Variants in RBFOX2 observed in about 807,000 individuals in gnomAD.
RBFOX2 encodes the protein RNA binding fox-1 homolog 2.
A neutral mutation model predicts 49.1 loss-of-function variants in RBFOX2; 10 were observed. The ratio of observed to expected loss-of-function variants is 0.20; its 90% CI spans 0.13 to 0.35. The LOEUF (loss-of-function observed/expected upper bound fraction) is 0.35. Among genes scored for constraint, RBFOX2 ranks in the 10% least tolerant of loss-of-function variants. RBFOX2 has a pLI of 1.00. For missense variants in RBFOX2, 323 were observed against 486.9 expected (o/e 0.66, Z 3.17); for synonymous variants, 183 against 187.4 (o/e 0.98, Z 0.19).
chr22:35,753,934 C>T (rs1935962349), intron 9 of RBFOX2, among the ~76,000 whole-genome samples: 1 of 151,862 alleles, frequency 6.6e-6, no homozygotes. Context: ...AAGCGTGTGC[C>T]ACCACGCCTG....
intron 1 of RBFOX2, among the ~76,000 whole-genome samples, chr22:35,911,876 T>C (rs1435776835): frequency 3.3e-5 from 5 of 152,214 alleles, no homozygotes; most frequent in African/African-American, 1.2e-4. Flanking sequence ...ACCCTGTTTT[T>C]ACTGCTCCAG....
intron 1 of RBFOX2, among the ~76,000 whole-genome samples, chr22:35,853,657 A>G (rs898906790): frequency 8.1e-6 from 1 of 123,474 alleles, no homozygotes; most frequent in Non-Finnish European, 1.7e-5. Context: ...ATATATACAC[A>G]CGTGTGTGTG....
chr22:35,926,437 ACAAT>A (rs981463795), intron 1 of RBFOX2, among the ~76,000 whole-genome samples: 1 of 152,200 alleles, frequency 6.6e-6, no homozygotes, highest in African/African-American at 2.4e-5. Context: ...ACCTCTCATT[ACAAT>A]ACAAATCAAT....
intron 1 of RBFOX2, among the ~76,000 whole-genome samples, chr22:35,883,796 A>G (rs576988136): frequency 3.5e-4 from 54 of 152,260 alleles, no homozygotes; most frequent in African/African-American, 1.2e-3. Flanking sequence ...CCACTACATA[A>G]CAAGGATCCC....
chr22:35,948,869 C>A (rs1398621158), intron 1 of RBFOX2, among the ~76,000 whole-genome samples: 1 of 151,984 alleles, frequency 6.6e-6, no homozygotes, highest in East Asian at 1.9e-4. Flanking sequence ...ACTTCTATAG[C>A]ATTAAGTATA....
intron 1 of RBFOX2, among the ~76,000 whole-genome samples, chr22:35,875,396 G>T (rs1349358944): frequency 6.6e-6 from 1 of 151,936 alleles, no homozygotes; most frequent in South Asian, 2.1e-4. Flanking sequence ...TGAAAAGGGG[G>T]GCCACTGAGC....
At chr22:35,868,304 G>A (rs755514278) in intron 1 of RBFOX2, among the ~76,000 whole-genome samples, 1 of 152,138 alleles carries the variant, frequency 6.6e-6, no homozygotes, top group African/African-American at 2.4e-5. Context: ...AATTAGGATA[G>A]AAATTTTGGC....
intron 1 of RBFOX2, among the ~76,000 whole-genome samples, chr22:35,829,343 T>C (rs752976232): frequency 2.6e-5 from 4 of 151,982 alleles, no homozygotes; most frequent in Non-Finnish European, 5.9e-5. Flanking sequence ...CATTAAAACA[T>C]TTGTGTCTCA....
intron 2 of RBFOX2, among the ~76,000 whole-genome samples, chr22:35,792,265 G>A (rs1347161510): frequency 2.8e-5 from 4 of 141,512 alleles, no homozygotes; most frequent in Non-Finnish European, 6.0e-5. Context: ...GCAGTGAGCC[G>A]AGATTATGCC....
chr22:35,829,885 G>A (rs559209784), intron 1 of RBFOX2, among the ~76,000 whole-genome samples: 25 of 152,236 alleles, frequency 1.6e-4, no homozygotes, highest in African/African-American at 6.0e-4. Context: ...GACTCCCCAG[G>A]AGGCTAGAGC....
chr22:35,861,825 A>G (rs1409627776), intron 1 of RBFOX2, among the ~76,000 whole-genome samples: 1 of 152,188 alleles, frequency 6.6e-6, no homozygotes, highest in East Asian at 1.9e-4. Context: ...GAATATGAAT[A>G]CTCATAAAAA....
intron 9 of RBFOX2, among the ~76,000 whole-genome samples, chr22:35,752,055 AAGG>A (rs1935134364): frequency 6.6e-6 from 1 of 152,172 alleles, no homozygotes; most frequent in Non-Finnish European, 1.5e-5. Context: ...TCTTAGGTGA[AAGG>A]AGAAGAGGCC....
intron 1 of RBFOX2, among the ~76,000 whole-genome samples, chr22:36,010,228 C>T (rs1260742367): frequency 6.6e-6 from 1 of 152,148 alleles, no homozygotes; most frequent in African/African-American, 2.4e-5. Context: ...CCTGCCAACC[C>T]ATCTCTCGAC....
chr22:35,913,338 A>G (rs2050036618), intron 1 of RBFOX2, among the ~76,000 whole-genome samples: 1 of 151,922 alleles, frequency 6.6e-6, no homozygotes, highest in Admixed American at 6.6e-5. Flanking sequence ...AAAAAGTAAG[A>G]TCTGCAGGAA....
exon 1 of RBFOX2, chr22:36,028,570 C>T (rs1312426538): frequency 1.4e-6 from 1 of 722,248 alleles, no homozygotes. Flanking sequence ...GAGCGGACTC[C>T]GCGCCCCTCC....
intron 1 of RBFOX2, among the ~76,000 whole-genome samples, chr22:35,953,722 G>T (rs1206111267): frequency 6.6e-6 from 1 of 152,078 alleles, no homozygotes; most frequent in Non-Finnish European, 1.5e-5. Flanking sequence ...CAGTACAAAT[G>T]AAGAAACTTC....
chr22:36,012,622 G>A (rs545920319), intron 1 of RBFOX2, among the ~76,000 whole-genome samples: 1 of 152,198 alleles, frequency 6.6e-6, no homozygotes, highest in African/African-American at 2.4e-5. Flanking sequence ...AAATGTAATT[G>A]TTGAGTATTA....
At chr22:35,894,988 A>AG (rs2047664384) in intron 1 of RBFOX2, among the ~76,000 whole-genome samples, 1 of 151,030 alleles carries the variant, frequency 6.6e-6, no homozygotes, top group African/African-American at 2.4e-5. Flanking sequence ...TAAAAAAAAA[A>AG]AAAAGAAAAG....
chr22:35,778,405 T>C (rs1944410491), intron 3 of RBFOX2, among the ~76,000 whole-genome samples: 1 of 152,106 alleles, frequency 6.6e-6, no homozygotes, highest in Non-Finnish European at 1.5e-5. Context: ...AAAAAGCAAA[T>C]CCTAGTAAGT....
Sources: allele counts gnomAD v4.1 joint callset (sites outside exome capture counted in the v4.1 genomes callset), GRCh38; gene constraint gnomAD v4.1.1; transcripts MANE v1.5; gene names NCBI Gene and HGNC (gene_info 2026-07-23, HGNC 2026-07-21).